The following PCED1B variants were observed in gnomAD, a reference collection of about 807,000 sequenced individuals.
PCED1B encodes the protein PC-esterase domain containing 1B.
For synonymous variants in PCED1B, 251 were observed against 246.1 expected, an observed-to-expected ratio of 1.02 and a Z score of -0.19; for missense variants, 573 against 573.9, an observed-to-expected ratio of 1.00 and a Z score of 0.02.
chr12:47,159,198 A>G (rs1941291903), intron 2 of PCED1B, among the ~76,000 whole-genome samples: 1 of 152,200 alleles, frequency 6.6e-6, no homozygotes, highest in African/African-American at 2.4e-5. Context: ...ATACTGCAGT[A>G]AACATGGGAG....
chr12:47,099,880 C>T (rs189700852), intron 1 of PCED1B, among the ~76,000 whole-genome samples: 17 of 152,336 alleles, frequency 1.1e-4, no homozygotes, highest in Admixed American at 9.8e-4. Context: ...GTTTCTCAGG[C>T]TCCAATCCAT....
At chr12:47,126,158 A>C (rs1282102709) in intron 2 of PCED1B, among the ~76,000 whole-genome samples, 1 of 152,052 alleles carries the variant, frequency 6.6e-6, no homozygotes, top group Non-Finnish European at 1.5e-5. Context: ...GTAAAGAAAA[A>C]AAATTTTTTT....
intron 1 of PCED1B, among the ~76,000 whole-genome samples, chr12:47,090,067 T>G (rs1396386741): frequency 2.6e-5 from 4 of 152,168 alleles, no homozygotes; most frequent in Non-Finnish European, 5.9e-5. Flanking sequence ...GCCACAGCAG[T>G]GGGCCTGAAG....
intron 2 of PCED1B, among the ~76,000 whole-genome samples, chr12:47,123,248 T>TA (rs1430308466): frequency 6.6e-6 from 1 of 152,110 alleles, no homozygotes; most frequent in East Asian, 1.9e-4. Flanking sequence ...TTTTGTTAGG[T>TA]AAAAAAGTGC....
chr12:47,124,504 C>T (rs1278010988), intron 2 of PCED1B, among the ~76,000 whole-genome samples: 1 of 99,424 alleles, frequency 1.0e-5, no homozygotes, highest in Admixed American at 1.1e-4. Flanking sequence ...TTTGTATATA[C>T]ATGAGGTTTT....
chr12:47,125,717 G>A (rs1581559), intron 2 of PCED1B, among the ~76,000 whole-genome samples: 5 of 151,840 alleles, frequency 3.3e-5, no homozygotes, highest in African/African-American at 1.2e-4. Context: ...ACAAGCCTTG[G>A]ACAGCTTTTG....
chr12:47,098,288 C>T (rs541700413), intron 1 of PCED1B, among the ~76,000 whole-genome samples: 1 of 152,226 alleles, frequency 6.6e-6, no homozygotes. Context: ...CTATGGACTG[C>T]AGCTGAGAGC....
intron 2 of PCED1B, among the ~76,000 whole-genome samples, chr12:47,130,511 TAC>T (rs1347112668): frequency 6.6e-6 from 1 of 152,084 alleles, no homozygotes; most frequent in Non-Finnish European, 1.5e-5. Flanking sequence ...ATCCCATCCC[TAC>T]AAAAATAAAA....
At chr12:47,082,920 A>G (rs902442281) in intron 1 of PCED1B, among the ~76,000 whole-genome samples, 2 of 151,358 alleles carry the variant, frequency 1.3e-5, no homozygotes, top group Non-Finnish European at 1.5e-5. Context: ...ATGACATAAT[A>G]CATTGGAATT....
intron 2 of PCED1B, chr12:47,206,115 A>G (rs1316621246): frequency 2.6e-5 from 4 of 152,184 alleles, no homozygotes; most frequent in Non-Finnish European, 4.4e-5. Flanking sequence ...ACCGATCTGG[A>G]TGGTGTCAGC....
intron 2 of PCED1B, among the ~76,000 whole-genome samples, chr12:47,142,952 T>C (rs1940651715): frequency 6.6e-6 from 1 of 151,984 alleles, no homozygotes; most frequent in African/African-American, 2.4e-5. Flanking sequence ...TTAACAAAAA[T>C]AAAAATAAAA....
intron 1 of PCED1B, among the ~76,000 whole-genome samples, chr12:47,080,941 G>T (rs923055601): frequency 1.3e-5 from 2 of 152,134 alleles, no homozygotes; most frequent in African/African-American, 4.8e-5. Context: ...GTGCGCGGAG[G>T]CTCTTCATCC....
chr12:47,223,993 C>G (rs12367393), intron 3 of PCED1B: 1 of 152,108 alleles, frequency 6.6e-6, no homozygotes, highest in Admixed American at 6.5e-5. Context: ...GCAGAGTCCA[C>G]GTCTGGCTTC....
At chr12:47,169,169 A>G in intron 2 of PCED1B, among the ~76,000 whole-genome samples, 1 of 152,336 alleles carries the variant, frequency 6.6e-6, no homozygotes, top group Non-Finnish European at 1.5e-5. Context: ...GAGTATTTTT[A>G]TACTAGGTTT....
At chr12:47,173,206 C>T (rs1941807794) in intron 2 of PCED1B, among the ~76,000 whole-genome samples, 2 of 152,146 alleles carry the variant, frequency 1.3e-5, no homozygotes, top group South Asian at 4.1e-4. Context: ...CCTTCAAAAC[C>T]TGATATGTAA....
intron 2 of PCED1B, among the ~76,000 whole-genome samples, chr12:47,127,405 G>A (rs1221620254): frequency 9.7e-6 from 1 of 103,486 alleles, no homozygotes; most frequent in East Asian, 2.8e-4. Flanking sequence ...GTCTCGCTTT[G>A]TAGCCCAGGC....
At chr12:47,230,609 T>G (rs747473532) in intron 3 of PCED1B, among the ~76,000 whole-genome samples, 1 of 152,042 alleles carries the variant, frequency 6.6e-6, no homozygotes, top group Non-Finnish European at 1.5e-5. Flanking sequence ...GCCTGGCTAA[T>G]TTTTGTATTT....
At chr12:47,087,590 T>C (rs1171887815) in intron 1 of PCED1B, among the ~76,000 whole-genome samples, 1 of 152,212 alleles carries the variant, frequency 6.6e-6, no homozygotes, top group East Asian at 1.9e-4. Context: ...TATAAGGTGG[T>C]ATAGAATTCA....
chr12:47,229,623 T>G (rs998505587), intron 3 of PCED1B, among the ~76,000 whole-genome samples: 1 of 152,176 alleles, frequency 6.6e-6, no homozygotes, highest in Non-Finnish European at 1.5e-5. Flanking sequence ...CTTTAAATTT[T>G]GTGCATGAAA....
Sources: allele counts gnomAD v4.1 joint callset (sites outside exome capture counted in the v4.1 genomes callset), GRCh38; gene constraint gnomAD v4.1.1; transcripts MANE v1.5; gene names NCBI Gene and HGNC (gene_info 2026-07-23, HGNC 2026-07-21).